MBNL1: variants seen among roughly 807,000 people sequenced by gnomAD.
MBNL1 encodes muscleblind like splicing regulator 1.
MBNL1 carries 8 observed loss-of-function variants against 42.2 expected under a neutral mutation model. The ratio of observed to expected loss-of-function variants is 0.19; its 90% CI spans 0.11 to 0.34. The LOEUF (loss-of-function observed/expected upper bound fraction) is 0.34. Ranked by LOEUF, MBNL1 falls within the 10% of genes least tolerant of loss-of-function variation. The pLI is 1.00. For synonymous variants in MBNL1, 169 were observed against 173.9 expected, an observed-to-expected ratio of 0.97 and a Z score of 0.22; for missense variants, 309 against 495.3, an observed-to-expected ratio of 0.62 and a Z score of 3.57.
At chr3:152,402,025 C>G (rs1308666080) in intron 2 of MBNL1, among the ~76,000 whole-genome samples, 7 of 120,890 alleles carry the variant, frequency 5.8e-5, no homozygotes, top group Non-Finnish European at 3.5e-5. Context: ...GAGCAAGACT[C>G]TGTCTCAAAA....
intron 2 of MBNL1, among the ~76,000 whole-genome samples, chr3:152,261,253 G>A (rs1262615182): frequency 6.6e-6 from 1 of 152,106 alleles, no homozygotes; most frequent in African/African-American, 2.4e-5. Context: ...AAGAACCACC[G>A]CCCTAGTTTC....
At chr3:152,327,433 C>G (rs188908845) in intron 2 of MBNL1, among the ~76,000 whole-genome samples, 1 of 151,978 alleles carries the variant, frequency 6.6e-6, no homozygotes. Flanking sequence ...CTGCAACCGC[C>G]GCCTCCTAGG....
chr3:152,408,780 A>G (rs189624298), intron 2 of MBNL1, among the ~76,000 whole-genome samples: 3 of 152,132 alleles, frequency 2.0e-5, no homozygotes, highest in Admixed American at 1.3e-4. Context: ...CCGCCAAGAC[A>G]TGTCTCAATA....
intron 2 of MBNL1, among the ~76,000 whole-genome samples, chr3:152,401,925 G>A (rs1388576376): frequency 2.6e-5 from 4 of 151,732 alleles, no homozygotes; most frequent in Admixed American, 6.6e-5. Flanking sequence ...CCACCTACTC[G>A]GGAGGCTGAG....
At chr3:152,368,019 T>G (rs530102705) in intron 2 of MBNL1, among the ~76,000 whole-genome samples, 2 of 152,158 alleles carry the variant, frequency 1.3e-5, no homozygotes, top group South Asian at 4.1e-4. Flanking sequence ...TGCAGAAGCT[T>G]TTTAGTTTAA....
At chr3:152,450,815 C>T (rs1470425227) in intron 6 of MBNL1, among the ~76,000 whole-genome samples, 4 of 152,212 alleles carry the variant, frequency 2.6e-5, no homozygotes, top group African/African-American at 7.2e-5. Context: ...ATACTCTAGA[C>T]ATTTGTATGT....
intron 1 of MBNL1, among the ~76,000 whole-genome samples, chr3:152,283,390 G>C (rs1279607196): frequency 1.3e-5 from 2 of 152,078 alleles, no homozygotes; most frequent in Non-Finnish European, 2.9e-5. Context: ...TGTTGTTGTT[G>C]GTGGTGGTGT....
Position 152,418,174 on chromosome 3 carries a change from A to G in MBNL1, c.345+3063A>G, listed in dbSNP as rs74970755. ...TTTGTATATTAAATCCTCACAAACC[A>G]TCCTTTAAAGTAGTAATGTTACCCT... is the stretch of plus-strand genomic sequence containing the variant. On this transcript the variant is annotated intron_variant, in intron 3 of 9. Coordinates refer to ENST00000324210, the MANE Select transcript of MBNL1 (RefSeq NM_021038.5). Among the ~76,000 whole-genome samples, 359 of 152,324 alleles carry G rather than the reference A, an allele frequency of 2.4e-3. 2 individuals carry two copies. Among genetic ancestry groups the G allele is most frequent in the African/African-American group, 7.9e-3 (327 of 41,566 alleles).
intron 2 of MBNL1, among the ~76,000 whole-genome samples, chr3:152,342,081 A>G (rs551023318): frequency 6.6e-6 from 1 of 152,210 alleles, no homozygotes; most frequent in Non-Finnish European, 1.5e-5. Context: ...GGAAACTGAT[A>G]CCAAGAGAAA....
At chr3:152,423,557 G>C (rs1389612008) in intron 3 of MBNL1, among the ~76,000 whole-genome samples, 1 of 152,166 alleles carries the variant, frequency 6.6e-6, no homozygotes, top group Non-Finnish European at 1.5e-5. Context: ...AATAGAAAAA[G>C]AGGGACTCCT....
At chr3:152,371,697 G>A (rs2096668691) in intron 2 of MBNL1, among the ~76,000 whole-genome samples, 1 of 152,158 alleles carries the variant, frequency 6.6e-6, no homozygotes. Context: ...TCCCTTTGTG[G>A]ATAACCCGAC....
chr3:152,294,777 A>G (rs1261307890), intron 1 of MBNL1, among the ~76,000 whole-genome samples: 3 of 152,214 alleles, frequency 2.0e-5, no homozygotes, highest in Admixed American at 6.5e-5. Context: ...CATTACCCAC[A>G]TATCTTTAAA....
chr3:152,302,282 A>AACTGAATT (rs2061031594), intron 2 of MBNL1: 2 of 152,176 alleles, frequency 1.3e-5, no homozygotes, highest in Admixed American at 6.5e-5. Context: ...TTCTAAGAGA[A>AACTGAATT]ACTGAATTTA....
Position 152,464,090 on chromosome 3 carries a change from A to G in MBNL1, c.*1724A>G, listed in dbSNP as rs1749062777. ...TTCACATGTTATTGTAGTTAGTTAC[A>G]TTATAGAATATTACTTATTTTTCTT... On this transcript the variant is annotated 3_prime_UTR_variant, in exon 10 of 10. Transcript: ENST00000324210. 1 of 152,576 alleles carries G rather than the reference A, an allele frequency of 6.6e-6. No individual in the cohort carries two copies. Among genetic ancestry groups the G allele is most frequent in the Admixed American group, 6.5e-5 (1 of 15,280 alleles). The allele number at this position is 152,576 out of a possible 1,614,324, so 9.5% of individuals were successfully genotyped here.
intron 1 of MBNL1, among the ~76,000 whole-genome samples, chr3:152,272,514 A>ATTGC (rs1704451065): frequency 6.6e-6 from 1 of 152,128 alleles, no homozygotes; most frequent in Non-Finnish European, 1.5e-5. Context: ...ATTTTAGTAA[A>ATTGC]TAGCAATTAT....
chr3:152,375,215 GA>G (rs2096846138), intron 2 of MBNL1, among the ~76,000 whole-genome samples: 1 of 152,154 alleles, frequency 6.6e-6, no homozygotes, highest in South Asian at 2.1e-4. Context: ...TTGCCCAAAA[GA>G]AATTTTTTTC....
chr3:152,419,070 T>C (rs2153673131), intron 3 of MBNL1, among the ~76,000 whole-genome samples: 1 of 152,232 alleles, frequency 6.6e-6, no homozygotes, highest in South Asian at 2.1e-4. Context: ...AAATAAGTAG[T>C]AGAAAATGAA....
intron 3 of MBNL1, 98 bp downstream of exon 3, chr3:152,415,209 C>G: frequency 8.7e-7 from 1 of 1,153,204 alleles, no homozygotes; most frequent in Non-Finnish European, 1.2e-6. Flanking sequence ...TGAACACAGG[C>G]AACAATTTCA....
chr3:152,287,764 T>A (rs941378479), intron 1 of MBNL1, among the ~76,000 whole-genome samples: 1 of 152,242 alleles, frequency 6.6e-6, no homozygotes. Context: ...GGAAAGCTGG[T>A]CATTACTTTT....
Sources: gnomAD v4.1 joint callset for allele counts (sites outside exome capture counted in the v4.1 genomes callset) on GRCh38, gnomAD v4.1.1 for gene constraint, MANE v1.5 for transcripts, NCBI Gene and HGNC (gene_info 2026-07-23, HGNC 2026-07-21) for gene names.